Variants in RTTN observed in about 807,000 individuals in gnomAD.
RTTN encodes the protein rotatin.
RTTN carries 182 observed loss-of-function variants against 269.2 expected under a neutral mutation model. The observed-to-expected ratio is 0.68, with a 90% confidence interval of 0.60 to 0.76. The LOEUF (loss-of-function observed/expected upper bound fraction) is 0.76. Among genes scored for constraint, RTTN ranks in the 30% least tolerant of loss-of-function variants. RTTN has a pLI of 0.00. For missense variants in RTTN, 2,545 were observed against 2,608.6 expected (o/e 0.98, Z 0.53); for synonymous variants, 1,006 against 963.5 (o/e 1.04, Z -0.82).
chr18:70,010,480 A>G (rs2056336882), intron 46 of RTTN, among the ~76,000 whole-genome samples: 1 of 152,228 alleles, frequency 6.6e-6, no homozygotes, highest in Non-Finnish European at 1.5e-5. Flanking sequence ...CTTGCTCCTG[A>G]ATGACTACTG....
intron 19 of RTTN, 77 bp from the exon 20 acceptor site, chr18:70,140,265 C>T (rs1047397778): frequency 1.3e-6 from 1 of 765,862 alleles, no homozygotes; most frequent in Non-Finnish European, 2.2e-6. Flanking sequence ...ATACTCAGAA[C>T]TGATATCCAC....
At chr18:70,047,870 C>A in intron 40 of RTTN, 101 bp downstream of exon 40, 1 of 892,932 alleles carries the variant, frequency 1.1e-6, no homozygotes, top group Non-Finnish European at 1.7e-6. Flanking sequence ...ATTACTATTT[C>A]TTAATTTAAA....
At chr18:70,117,450 C>T (rs1348925805) in intron 26 of RTTN, among the ~76,000 whole-genome samples, 2 of 151,890 alleles carry the variant, frequency 1.3e-5, no homozygotes, top group African/African-American at 4.8e-5. Context: ...TGATAGTGAA[C>T]ACTTAAGTTC....
At chr18:70,005,534 A>G (rs1397357288) in intron 47 of RTTN, 3 of 305,182 alleles carry the variant, frequency 9.8e-6, no homozygotes, top group African/African-American at 6.5e-5. Context: ...TTCTCCCCTA[A>G]TCTCAATTTG....
chr18:70,134,613 T>C (rs963271041), intron 22 of RTTN, 72 bp from the exon 23 acceptor site: 3 of 1,025,514 alleles, frequency 2.9e-6, no homozygotes, highest in Non-Finnish European at 4.4e-6. Flanking sequence ...AAATACAACT[T>C]ACCTCACTTC....
chr18:70,153,725 G>C (rs923502659), intron 14 of RTTN, among the ~76,000 whole-genome samples: 2 of 152,182 alleles, frequency 1.3e-5, no homozygotes, highest in African/African-American at 4.8e-5. Flanking sequence ...GCCAATTAAA[G>C]TGAAATGCCT....
At chr18:70,205,051 T>C in intron 2 of RTTN, 77 bp downstream of exon 2, 9 of 1,443,152 alleles carry the variant, frequency 6.2e-6, no homozygotes, top group African/African-American at 2.9e-5. Flanking sequence ...TATTTAACTT[T>C]CAATAAACGC....
rs2060278493 is a variant in RTTN, at chr18:70,142,354, T to G, written c.2515A>C (p.Thr839Pro). ...ETVEKVYEIF[T>P]SDDVDLVLRK... ...AAAACGAGATCAACATCATCTGAGG[T>G]GAAGATTTCATATACCTTTTCAACA... Residue 839 changes from threonine to proline, a missense_variant, in exon 19 of 49, where the codon ACC becomes CCC. Thr to Pro is a conservative substitution (Grantham distance 38). Transcript: ENST00000640769. 1.2e-6 allele frequency: 2 copies of G among 1,605,108 alleles called. No homozygotes were observed. The highest frequency in any genetic ancestry group is 1.7e-6 in the Non-Finnish European group (2 of 1,177,382).
At chr18:70,061,780 A>C (rs1464176150) in intron 35 of RTTN, among the ~76,000 whole-genome samples, 1 of 152,122 alleles carries the variant, frequency 6.6e-6, no homozygotes, top group Admixed American at 6.5e-5. Flanking sequence ...ACTGCAGTGA[A>C]CTATGATCAC....
intron 40 of RTTN, among the ~76,000 whole-genome samples, chr18:70,045,115 C>A (rs1167278228): frequency 6.6e-6 from 1 of 152,128 alleles, no homozygotes; most frequent in African/African-American, 2.4e-5. Flanking sequence ...TAGAAAAAAA[C>A]ACTTACACAT....
intron 44 of RTTN, among the ~76,000 whole-genome samples, 154 bp downstream of exon 44, chr18:70,024,568 A>C (rs1451868792): frequency 1.3e-5 from 2 of 152,200 alleles, no homozygotes. Flanking sequence ...CTGCTCTCAT[A>C]ATACCTACGA....
chr18:70,148,908 T>C lies in RTTN; in HGVS notation c.2302A>G (p.Lys768Glu), dbSNP rs781082450. 5 of 1,613,470 alleles carry C rather than the reference T, an allele frequency of 3.1e-6. No homozygotes were observed. In the South Asian group the frequency reaches 5.5e-5, roughly 18 times the overall value. The change falls in exon 17 of 49, where the codon AAG (lysine) becomes GAG (glutamate). Residue 768 changes from lysine (K) to glutamate (E), a missense_variant. Transcript: ENST00000640769. ...AGATTACGTTGTACTCACGATGGCT[T>C]TTTCACTAGCAAAAGTCGCAGCATG... is the stretch of plus-strand genomic sequence containing the variant. ...KSMLRLLLVK[K>E]PSVRSLALKL...
In RTTN at chr18:70,140,208, CTAAAAGTTAA is replaced by C; in HGVS notation, c.2582-30_2582-21del. 7.0e-7 allele frequency: 1 copy of C among 1,434,034 alleles called. No homozygotes were observed. The highest frequency in any genetic ancestry group is 9.8e-7 in the Non-Finnish European group (1 of 1,021,700). 88.8% of individuals were successfully genotyped at this position (1,434,034 alleles called of 1,614,324 possible). ...TAATATCTGTAGATAAAAAAAGTTACTAAAAGTTAAAGCACATTTTTTGTAGTTTAAAACA... is the reference window on the plus strand; with the variant it reads ...TAATATCTGTAGATAAAAAAAGTTACAGCACATTTTTTGTAGTTTAAAACA... On this transcript the variant is annotated intron_variant, in intron 19 of 48. Coordinates refer to ENST00000640769, the MANE Select transcript of RTTN (RefSeq NM_173630.4).
chr18:70,099,698 G>A (rs2059105121), intron 28 of RTTN, among the ~76,000 whole-genome samples: 2 of 152,106 alleles, frequency 1.3e-5, no homozygotes, highest in Non-Finnish European at 1.5e-5. Context: ...TTCTTCTTGG[G>A]TTTTTATGGT....
intron 14 of RTTN, among the ~76,000 whole-genome samples, chr18:70,158,006 A>T (rs1050054091): frequency 6.6e-6 from 1 of 152,188 alleles, no homozygotes; most frequent in Non-Finnish European, 1.5e-5. Flanking sequence ...AGAGAGAGCA[A>T]GCAACTTGGA....
intron 43 of RTTN, among the ~76,000 whole-genome samples, chr18:70,027,713 T>G (rs563471408): frequency 6.6e-6 from 1 of 152,212 alleles, no homozygotes; most frequent in African/African-American, 2.4e-5. Flanking sequence ...ATTAAGTTTA[T>G]TAATGGCACT....
rs1568427284 is a variant in RTTN at position 70,127,753 on chromosome 18, GA to G, written c.3144-13del. 15 of 1,573,626 alleles carry G rather than the reference GA, an allele frequency of 9.5e-6. No homozygotes were observed. Among genetic ancestry groups the G allele is most frequent in the Admixed American group, 1.8e-5 (1 of 54,714 alleles). On this transcript the variant is annotated splice_polypyrimidine_tract_variant and intron_variant, in intron 24 of 48. Coordinates refer to ENST00000640769, the MANE Select transcript of RTTN (RefSeq NM_173630.4). ...ATGCATCTAAAATTCTAGACAAAAA[GA>G]AAAAAAATGAAGGAGGAACATAAAG...
rs781435816 is a variant in RTTN, at chr18:70,005,226, C to G, written c.6567G>C (p.Val2189=). Residue 2189 remains valine (V), a synonymous_variant, in exon 48 of 49, where the codon GTG becomes GTC. Transcript: ENST00000640769. ...TCTTTGCTAAGGAGTATGCTTCATC[C>G]ACTCTTCTTTTTACTGATGGGCTTT... The part of the protein sequence containing the change: ...ALKSPSVKRR[V]DEAYSLAKKT... The G allele has an allele frequency of 6.2e-7, 1 of 1,612,488 alleles. No homozygotes were observed. The highest frequency in any genetic ancestry group is 1.3e-5 in the African/African-American group (1 of 74,934).
intron 11 of RTTN, among the ~76,000 whole-genome samples, chr18:70,172,925 T>C (rs183473932): frequency 6.0e-4 from 92 of 152,314 alleles, no homozygotes; most frequent in Non-Finnish European, 9.7e-4. Context: ...TTTTCATTTA[T>C]ATAATATTAA....
Sources: allele counts gnomAD v4.1 joint callset (sites outside exome capture counted in the v4.1 genomes callset), GRCh38; gene constraint gnomAD v4.1.1; transcripts MANE v1.5; gene names NCBI Gene and HGNC (gene_info 2026-07-23, HGNC 2026-07-21).